The following ITGBL1 variants were observed in gnomAD, a reference collection of about 807,000 sequenced individuals.
ITGBL1 encodes the protein integrin beta-like protein 1.
A neutral mutation model predicts 68.5 loss-of-function variants in ITGBL1; 51 were observed. The ratio of observed to expected loss-of-function variants is 0.74; its 90% CI spans 0.59 to 0.94. ITGBL1 has a LOEUF of 0.94. ITGBL1 is among the 40% of genes least tolerant of loss of function. The pLI is 0.00. For synonymous variants in ITGBL1, 209 were observed against 227.3 expected, an observed-to-expected ratio of 0.92 and a Z score of 0.72; for missense variants, 649 against 647.4, an observed-to-expected ratio of 1.00 and a Z score of -0.03.
chr13:101,540,193 A>G (rs1471842723), intron 2 of ITGBL1, among the ~76,000 whole-genome samples: 1 of 152,246 alleles, frequency 6.6e-6, no homozygotes. Flanking sequence ...TAGGTCTAAC[A>G]TTTAAGTCTT....
rs868849505 is a variant in ITGBL1, at chr13:101,540,208, A to C, written c.317-27491A>C. ...TAGGTCTAACATTTAAGTCTTTAAT[A>C]CATCTTGAATTAATTTTTGTATAAG... On this transcript the variant is annotated intron_variant, in intron 2 of 10. Transcript: ENST00000376180. Among the ~76,000 whole-genome samples the C allele has an allele frequency of 9.3e-4, 141 of 151,998 alleles. 2 individuals carry two copies. The highest frequency in any genetic ancestry group is 3.4e-3 in the Middle Eastern group (1 of 294).
chr13:101,531,549 A>G (rs1427120060), intron 2 of ITGBL1, among the ~76,000 whole-genome samples: 1 of 149,806 alleles, frequency 6.7e-6, no homozygotes, highest in African/African-American at 2.5e-5. Context: ...TTTGCACTCG[A>G]AAACAGGGGT....
chr13:101,486,384 G>T (rs1441686556), intron 2 of ITGBL1, among the ~76,000 whole-genome samples: 1 of 152,156 alleles, frequency 6.6e-6, no homozygotes, highest in Non-Finnish European at 1.5e-5. Flanking sequence ...TACCCATTGG[G>T]TACAGTGTAC....
At chr13:101,545,446 C>G (rs1273661081) in intron 2 of ITGBL1, among the ~76,000 whole-genome samples, 6 of 151,854 alleles carry the variant, frequency 4.0e-5, no homozygotes, top group Admixed American at 3.9e-4. Context: ...AAGGGAAATC[C>G]AACATAAACA....
chr13:101,669,547 T>C (rs1283192530), intron 7 of ITGBL1, among the ~76,000 whole-genome samples: 1 of 152,196 alleles, frequency 6.6e-6, no homozygotes, highest in Non-Finnish European at 1.5e-5. Flanking sequence ...CTTTCTAAAA[T>C]TGAACATTAC....
intron 7 of ITGBL1, among the ~76,000 whole-genome samples, chr13:101,664,159 C>G (rs1242850811): frequency 6.6e-6 from 1 of 152,142 alleles, no homozygotes; most frequent in Admixed American, 6.6e-5. Flanking sequence ...AATAAGTGGA[C>G]TGGACTAACT....
intron 7 of ITGBL1, among the ~76,000 whole-genome samples, chr13:101,678,179 T>G (rs1372440375): frequency 1.3e-5 from 2 of 152,246 alleles, no homozygotes; most frequent in African/African-American, 4.8e-5. Context: ...CAAATTCGCA[T>G]GTACATACAT....
intron 7 of ITGBL1, among the ~76,000 whole-genome samples, chr13:101,652,205 A>G (rs967620262): frequency 1.3e-5 from 2 of 152,178 alleles, no homozygotes; most frequent in Non-Finnish European, 2.9e-5. Context: ...GCAGTGGTGC[A>G]TTCATGGCTC....
intron 2 of ITGBL1, among the ~76,000 whole-genome samples, chr13:101,525,981 GTTGT>G (rs895325597): frequency 2.0e-5 from 3 of 151,388 alleles, no homozygotes; most frequent in East Asian, 3.9e-4. Flanking sequence ...TCTGATATAT[GTTGT>G]TTGTTTTTAC....
In ITGBL1 at chr13:101,575,425, T is replaced by A. The variant is rs1173537461; in HGVS notation, c.465T>A (p.Gly155=). The A allele has an allele frequency of 6.2e-7, 1 of 1,612,760 alleles. No individual in the cohort carries two copies. The highest frequency in any genetic ancestry group is 1.1e-5 in the South Asian group (1 of 91,020). ...GTCTTTTTTGTTTTCATGGTTTAGGTACATGTCACTGTGGCAGGTGTAAGT... is the reference window on the plus strand; with the variant it reads ...GTCTTTTTTGTTTTCATGGTTTAGGAACATGTCACTGTGGCAGGTGTAAGT... ...NSQDIICSNA[G]TCHCGRCKCD... The change falls in exon 4 of 11, where the codon GGT becomes GGA. Residue 155 remains glycine, a splice_region_variant and synonymous_variant. Transcript: ENST00000376180.
At chr13:101,685,473 A>G (rs2033734161) in intron 7 of ITGBL1, among the ~76,000 whole-genome samples, 1 of 152,092 alleles carries the variant, frequency 6.6e-6, no homozygotes. Context: ...CCATCTGCTA[A>G]TAATGATCTT....
chr13:101,656,917 T>C (rs993927858), intron 7 of ITGBL1, among the ~76,000 whole-genome samples: 2 of 152,098 alleles, frequency 1.3e-5, no homozygotes, highest in Non-Finnish European at 2.9e-5. Flanking sequence ...TTAATTAGAC[T>C]GTGTTCCCAG....
At chr13:101,614,079 T>A (rs2031250586) in intron 7 of ITGBL1, among the ~76,000 whole-genome samples, 1 of 150,998 alleles carries the variant, frequency 6.6e-6, no homozygotes, top group African/African-American at 2.4e-5. Context: ...CGGGTAGGGG[T>A]GTAGAGAGAA....
At chr13:101,605,815 T>C (rs1275474862) in intron 7 of ITGBL1, among the ~76,000 whole-genome samples, 3 of 151,036 alleles carry the variant, frequency 2.0e-5, no homozygotes, top group East Asian at 3.9e-4. Context: ...TGTAGACATG[T>C]ATGTGCATAT....
At chr13:101,530,371 A>G (rs2049452691) in intron 2 of ITGBL1, among the ~76,000 whole-genome samples, 1 of 152,206 alleles carries the variant, frequency 6.6e-6, no homozygotes, top group Non-Finnish European at 1.5e-5. Context: ...AAGTAAGAGT[A>G]ATTATAATAA....
At chr13:101,657,800 T>C (rs1273086316) in intron 7 of ITGBL1, among the ~76,000 whole-genome samples, 1 of 152,154 alleles carries the variant, frequency 6.6e-6, no homozygotes, top group East Asian at 1.9e-4. Context: ...CTACAAATAA[T>C]AAAGCAAAGA....
chr13:101,626,900 T>C (rs1376597262), intron 7 of ITGBL1, among the ~76,000 whole-genome samples: 1 of 152,174 alleles, frequency 6.6e-6, no homozygotes, highest in Non-Finnish European at 1.5e-5. Context: ...AATCTTAGTG[T>C]TTCTTCAATA....
chr13:101,632,372 T>G (rs1443575103), intron 7 of ITGBL1, among the ~76,000 whole-genome samples: 1 of 152,134 alleles, frequency 6.6e-6, no homozygotes. Flanking sequence ...GCACAACCAC[T>G]AGAATGGAGA....
At chr13:101,587,090 G>A (rs1397756383) in intron 6 of ITGBL1, among the ~76,000 whole-genome samples, 1 of 152,100 alleles carries the variant, frequency 6.6e-6, no homozygotes, top group Non-Finnish European at 1.5e-5. Context: ...TCTTATTTAA[G>A]TCCAAGGGAA....
Sources: gnomAD v4.1 joint callset for allele counts (sites outside exome capture counted in the v4.1 genomes callset) on GRCh38, gnomAD v4.1.1 for gene constraint, MANE v1.5 for transcripts, NCBI Gene and HGNC (gene_info 2026-07-23, HGNC 2026-07-21) for gene names.